EYS: variants seen among roughly 807,000 people sequenced by gnomAD.
EYS encodes the protein EGF-like photoreceptor maintenance factor.
EYS carries 250 observed loss-of-function variants against 282.1 expected under a neutral mutation model. The observed-to-expected ratio is 0.89, with a 90% CI of 0.80 to 0.98. The LOEUF (loss-of-function observed/expected upper bound fraction) is 0.98, where lower values mean the gene tolerates loss of function less well. Among genes scored for constraint, EYS ranks in the 50% least tolerant of loss-of-function variants. EYS has a pLI of 0.00. For missense variants in EYS, 4,016 were observed against 3,709.0 expected, an observed-to-expected ratio of 1.08 and a Z score of -2.15; for synonymous variants, 1,355 against 1,282.9, an observed-to-expected ratio of 1.06 and a Z score of -1.20.
chr6:63,920,357 A>AGAGGTAG (rs1447251438), intron 35 of EYS, among the ~76,000 whole-genome samples: 1 of 152,168 alleles, frequency 6.6e-6, no homozygotes, highest in African/African-American at 2.4e-5. Flanking sequence ...GCAAGAGACC[A>AGAGGTAG]GAGGGTAGGA....
At chr6:64,999,684 A>G (rs1249658868) in intron 13 of EYS, among the ~76,000 whole-genome samples, 2 of 152,202 alleles carry the variant, frequency 1.3e-5, no homozygotes, top group African/African-American at 4.8e-5. Context: ...CAGGGGAAGA[A>G]GACACAGTGG....
intron 31 of EYS, among the ~76,000 whole-genome samples, chr6:64,157,935 G>T (rs762165706): frequency 8.5e-5 from 13 of 152,148 alleles, no homozygotes; most frequent in Non-Finnish European, 1.9e-4. Context: ...CTGTCCTCCA[G>T]ACCCCAGAAT....
chr6:65,074,972 A>G (rs1415733667), intron 12 of EYS, among the ~76,000 whole-genome samples: 1 of 152,076 alleles, frequency 6.6e-6, no homozygotes, highest in East Asian at 1.9e-4. Context: ...AACAAATGAA[A>G]TGGTATTAAA....
At chr6:64,152,034 G>T (rs1774758512) in intron 31 of EYS, among the ~76,000 whole-genome samples, 1 of 152,046 alleles carries the variant, frequency 6.6e-6, no homozygotes, top group South Asian at 2.1e-4. Context: ...TATTTGTTGT[G>T]CAGTTCACAA....
chr6:64,869,209 C>T (rs797009114), intron 19 of EYS, among the ~76,000 whole-genome samples: 42 of 151,582 alleles, frequency 2.8e-4, no homozygotes, highest in African/African-American at 1.0e-3. Context: ...TACCATGTTC[C>T]ATAAACATGA....
chr6:64,219,973 T>C lies in EYS; in HGVS notation c.6424+10619A>G, dbSNP rs1766048449. ...GCATGTTCTCACTCATGGGTGGGAA[T>C]TGAACAATGAGAACACATGGACACA... On this transcript the variant is annotated intron_variant, in intron 31 of 42. Coordinates refer to ENST00000503581, the MANE Select transcript of EYS (RefSeq NM_001142800.2). Among the ~76,000 whole-genome samples the C allele has an allele frequency of 2.0e-5, 3 of 152,026 alleles. No homozygotes were observed. In the South Asian group the frequency reaches 6.2e-4, roughly 32 times the overall value.
At chr6:64,555,811 C>G (rs1371675101) in intron 26 of EYS, among the ~76,000 whole-genome samples, 1 of 151,710 alleles carries the variant, frequency 6.6e-6, no homozygotes, top group Non-Finnish European at 1.5e-5. Context: ...AATATGTACA[C>G]CTATTATATC....
intron 13 of EYS, among the ~76,000 whole-genome samples, chr6:65,025,443 C>A (rs1583410341): frequency 6.6e-6 from 1 of 152,124 alleles, no homozygotes; most frequent in South Asian, 2.1e-4. Context: ...ATGTTTAACT[C>A]TGTTTTTGTA....
At chr6:64,922,803 A>G (rs1291489670) in intron 15 of EYS, among the ~76,000 whole-genome samples, 1 of 152,144 alleles carries the variant, frequency 6.6e-6, no homozygotes, top group Non-Finnish European at 1.5e-5. Flanking sequence ...GCAGGTCACA[A>G]GGTAACAGAG....
At chr6:64,974,674 T>C (rs1478351279) in intron 14 of EYS, among the ~76,000 whole-genome samples, 1 of 151,858 alleles carries the variant, frequency 6.6e-6, no homozygotes, top group Non-Finnish European at 1.5e-5. Context: ...TATTACACTG[T>C]CAATGGCATT....
intron 12 of EYS, among the ~76,000 whole-genome samples, chr6:65,117,124 C>G (rs1296349935): frequency 6.6e-6 from 1 of 152,302 alleles, no homozygotes; most frequent in East Asian, 1.9e-4. Flanking sequence ...GTTCTCTTCT[C>G]CAGCCCAAAG....
intron 22 of EYS, among the ~76,000 whole-genome samples, chr6:64,786,515 C>A (rs959701661): frequency 2.0e-5 from 3 of 152,000 alleles, no homozygotes; most frequent in African/African-American, 7.3e-5. Context: ...TGGGGATATG[C>A]GGGGGCAGTC....
intron 8 of EYS, among the ~76,000 whole-genome samples, chr6:65,362,309 G>C (rs1764741342): frequency 6.6e-6 from 1 of 151,948 alleles, no homozygotes; most frequent in East Asian, 1.9e-4. Flanking sequence ...ACTTTAAAAT[G>C]AACACAAATA....
At chr6:64,696,612 G>A (rs190479797) in intron 22 of EYS, among the ~76,000 whole-genome samples, 66 of 152,132 alleles carry the variant, frequency 4.3e-4, no homozygotes, top group African/African-American at 1.1e-3. Context: ...AGAGAAAAGC[G>A]TCTCATTGCC....
chr6:64,938,218 C>G (rs909715191), intron 15 of EYS, among the ~76,000 whole-genome samples: 7 of 151,534 alleles, frequency 4.6e-5, no homozygotes, highest in African/African-American at 1.5e-4. Context: ...TTGTACTTCT[C>G]TACGAATCTA....
chr6:65,544,106 G>T (rs1405715204), intron 2 of EYS, among the ~76,000 whole-genome samples: 4 of 151,762 alleles, frequency 2.6e-5, no homozygotes, highest in African/African-American at 9.7e-5. Context: ...GATCTGTTTT[G>T]TTTTGTTTTG....
At chr6:64,750,215 TAGAG>T (rs1337521619) in intron 22 of EYS, among the ~76,000 whole-genome samples, 1 of 152,042 alleles carries the variant, frequency 6.6e-6, no homozygotes, top group Non-Finnish European at 1.5e-5. Context: ...TATAATAAAA[TAGAG>T]AGCAAAAGAA....
intron 26 of EYS, among the ~76,000 whole-genome samples, chr6:64,518,082 C>A (rs1196173231): frequency 2.0e-5 from 3 of 151,802 alleles, no homozygotes. Flanking sequence ...ATGCTATTTA[C>A]AATCTCCCAT....
chr6:64,778,900 C>T (rs1056016154), intron 22 of EYS, among the ~76,000 whole-genome samples: 7 of 152,258 alleles, frequency 4.6e-5, no homozygotes. Context: ...GCATATGTAG[C>T]TATCCACGCT....
Sources: gnomAD v4.1 joint callset for allele counts (sites outside exome capture counted in the v4.1 genomes callset) on GRCh38, gnomAD v4.1.1 for gene constraint, MANE v1.5 for transcripts, NCBI Gene and HGNC (gene_info 2026-07-23, HGNC 2026-07-21) for gene names.